The following GABRB1 variants were observed in gnomAD, a reference collection of about 807,000 sequenced individuals.
GABRB1 encodes the protein gamma-aminobutyric acid receptor subunit beta-1.
In GABRB1, 17 loss-of-function variants were observed where a neutral mutation model predicts 51.6. That is an observed-to-expected ratio of 0.33 (90% CI 0.23 to 0.49). GABRB1 has a LOEUF of 0.49. Among genes scored for constraint, GABRB1 ranks in the 20% least tolerant of loss-of-function variants. GABRB1 has a pLI of 0.99. For missense variants in GABRB1, 410 were observed against 600.6 expected (o/e 0.68, Z 3.32); for synonymous variants, 247 against 218.9 (o/e 1.13, Z -1.14).
At chr4:47,347,302 A>C (rs553197131) in intron 5 of GABRB1, among the ~76,000 whole-genome samples, 2 of 151,842 alleles carry the variant, frequency 1.3e-5, no homozygotes, top group Non-Finnish European at 2.9e-5. Flanking sequence ...AATAATAATA[A>C]TTAATAATAA....
At chr4:47,410,319 G>T (rs1229824107) in intron 8 of GABRB1, among the ~76,000 whole-genome samples, 1 of 152,140 alleles carries the variant, frequency 6.6e-6, no homozygotes, top group Non-Finnish European at 1.5e-5. Context: ...CCTATTGATA[G>T]AAATAATAAA....
At chr4:47,096,689 G>A (rs563849362) in intron 3 of GABRB1, among the ~76,000 whole-genome samples, 4 of 152,254 alleles carry the variant, frequency 2.6e-5, no homozygotes, top group Non-Finnish European at 5.9e-5. Context: ...GTGGTAAGAA[G>A]GAATAATGAT....
intron 4 of GABRB1, among the ~76,000 whole-genome samples, chr4:47,217,891 C>T (rs751278582): frequency 2.0e-5 from 3 of 151,712 alleles, no homozygotes; most frequent in Non-Finnish European, 4.4e-5. Context: ...TTATTCTTAA[C>T]TGTAGTCACT....
chr4:47,263,050 G>A (rs1251109871), intron 4 of GABRB1, among the ~76,000 whole-genome samples: 1 of 115,730 alleles, frequency 8.6e-6, no homozygotes, highest in Non-Finnish European at 1.7e-5. Flanking sequence ...TTGTGGGGTG[G>A]GGGGAGGGGG....
At chr4:47,100,992 T>C (rs1714694373) in intron 3 of GABRB1, among the ~76,000 whole-genome samples, 1 of 151,994 alleles carries the variant, frequency 6.6e-6, no homozygotes, top group African/African-American at 2.4e-5. Flanking sequence ...ATGGAGTGGA[T>C]GGACAAAAGT....
intron 4 of GABRB1, among the ~76,000 whole-genome samples, chr4:47,307,963 T>C (rs999038025): frequency 6.6e-6 from 1 of 152,042 alleles, no homozygotes; most frequent in African/African-American, 2.4e-5. Context: ...ATATTTTGCA[T>C]TATAATTTAG....
At chr4:47,350,210 T>TAGAGAG (rs1409250810) in intron 5 of GABRB1, among the ~76,000 whole-genome samples, 1,032 of 88,472 alleles carry the variant, frequency 0.012, 4 homozygotes, top group East Asian at 0.029. Flanking sequence ...TATATATATA[T>TAGAGAG]ATATATATAG....
intron 5 of GABRB1, among the ~76,000 whole-genome samples, chr4:47,398,557 T>TATAG (rs1383050097): frequency 3.3e-5 from 5 of 151,638 alleles, no homozygotes; most frequent in Admixed American, 1.3e-4. Context: ...CTCATATATA[T>TATAG]AGAGAGAGAG....
At chr4:47,213,179 T>C (rs901499528) in intron 4 of GABRB1, among the ~76,000 whole-genome samples, 19 of 152,202 alleles carry the variant, frequency 1.2e-4, no homozygotes, top group African/African-American at 3.6e-4. Context: ...AGCCTCTCCA[T>C]AATCAGTAAA....
intron 5 of GABRB1, among the ~76,000 whole-genome samples, chr4:47,333,194 T>TATATATATA (rs1725556979): frequency 8.8e-6 from 1 of 113,220 alleles, no homozygotes; most frequent in Non-Finnish European, 1.9e-5. Context: ...CCCATTTTAT[T>TATATATATA]TATATATATA....
intron 4 of GABRB1, among the ~76,000 whole-genome samples, chr4:47,174,080 G>GCC (rs1718553620): frequency 6.6e-6 from 1 of 151,524 alleles, no homozygotes. Flanking sequence ...CTTCTTGAAA[G>GCC]AGTGAAACAG....
At chr4:47,375,094 C>T (rs1245539904) in intron 5 of GABRB1, among the ~76,000 whole-genome samples, 2 of 152,156 alleles carry the variant, frequency 1.3e-5, no homozygotes, top group Non-Finnish European at 2.9e-5. Flanking sequence ...TCCTCTTGAA[C>T]CTAGGGGCAT....
intron 5 of GABRB1, among the ~76,000 whole-genome samples, chr4:47,336,282 G>A (rs936170214): frequency 6.6e-6 from 1 of 152,160 alleles, no homozygotes; most frequent in African/African-American, 2.4e-5. Context: ...CATTTCCAAG[G>A]TAATTAGTAT....
intron 4 of GABRB1, among the ~76,000 whole-genome samples, chr4:47,197,578 A>G (rs550659692): frequency 2.6e-5 from 4 of 152,198 alleles, no homozygotes; most frequent in Non-Finnish European, 5.9e-5. Context: ...TTCTGGATTC[A>G]TAATTCTATC....
At chr4:47,059,142 T>C (rs573321787) in intron 3 of GABRB1, among the ~76,000 whole-genome samples, 1 of 152,292 alleles carries the variant, frequency 6.6e-6, no homozygotes, top group South Asian at 2.1e-4. Context: ...GCTAATTCAG[T>C]CTTAGAGAAA....
At chr4:47,387,302 A>G (rs917528498) in intron 5 of GABRB1, among the ~76,000 whole-genome samples, 2 of 152,170 alleles carry the variant, frequency 1.3e-5, no homozygotes, top group African/African-American at 2.4e-5. Context: ...CTCTGCTAAA[A>G]ATATAAAAAT....
At chr4:47,114,246 C>T (rs1715367863) in intron 3 of GABRB1, among the ~76,000 whole-genome samples, 1 of 152,224 alleles carries the variant, frequency 6.6e-6, no homozygotes, top group Non-Finnish European at 1.5e-5. Context: ...CTACTTCCTG[C>T]ACAGGTCATC....
At chr4:47,339,541 A>ATGTGTGTGTGTGTGTG (rs34390361) in intron 5 of GABRB1, among the ~76,000 whole-genome samples, 1 of 148,362 alleles carries the variant, frequency 6.7e-6, no homozygotes, top group East Asian at 2.0e-4. Flanking sequence ...ATGTGTGCAT[A>ATGTGTGTGTGTGTGTG]TGTGTGTGTG....
chr4:47,089,142 G>A lies in GABRB1; in HGVS notation c.240+56658G>A, dbSNP rs1439874122. 2.6e-5 allele frequency among the ~76,000 whole-genome samples: 4 copies of A among 152,130 alleles called. No homozygotes were observed. The East Asian group carries it at 7.7e-4, about 29-fold the overall frequency. Reference sequence around the variant, plus strand: ...ACAATGAAGATGAAGAGGAGATAGGGGAAAAACCTCCAAAACCTTAAATGT... The same window carrying A: ...ACAATGAAGATGAAGAGGAGATAGGAGAAAAACCTCCAAAACCTTAAATGT... On this transcript the variant is annotated intron_variant, in intron 3 of 8. Coordinates refer to ENST00000295454, the MANE Select transcript of GABRB1 (RefSeq NM_000812.4).
Sources: gnomAD v4.1 joint callset for allele counts (sites outside exome capture counted in the v4.1 genomes callset) on GRCh38, gnomAD v4.1.1 for gene constraint, MANE v1.5 for transcripts, NCBI Gene and HGNC (gene_info 2026-07-23, HGNC 2026-07-21) for gene names.